Variants in TRHDE observed in about 807,000 individuals in gnomAD.
TRHDE encodes the protein thyrotropin-releasing hormone-degrading ectoenzyme.
A neutral mutation model predicts 125.7 loss-of-function variants in TRHDE; 72 were observed. The ratio of observed to expected loss-of-function variants is 0.57; its 90% CI spans 0.47 to 0.70. The LOEUF is 0.70. Ranked by LOEUF, TRHDE falls within the 30% of genes least tolerant of loss-of-function variation. The pLI is 0.00. For synonymous variants in TRHDE, 509 were observed against 509.1 expected, an observed-to-expected ratio of 1.00 and a Z score of 0.00; for missense variants, 1,110 against 1,327.1, an observed-to-expected ratio of 0.84 and a Z score of 2.54.
intron 2 of TRHDE, among the ~76,000 whole-genome samples, chr12:72,321,086 G>A (rs1869068690): frequency 6.6e-6 from 1 of 152,176 alleles, no homozygotes; most frequent in African/African-American, 2.4e-5. Context: ...AATGAGCAGG[G>A]TGAGAGAAAA....
intron 2 of TRHDE, among the ~76,000 whole-genome samples, chr12:72,232,769 G>A (rs1398653951): frequency 1.3e-5 from 2 of 151,996 alleles, no homozygotes; most frequent in Admixed American, 6.6e-5. Context: ...TTTCCTTTAT[G>A]TCTTTTTCTA....
At chr12:72,355,233 G>A (rs967673401) in intron 2 of TRHDE, among the ~76,000 whole-genome samples, 2 of 151,548 alleles carry the variant, frequency 1.3e-5, no homozygotes, top group African/African-American at 4.8e-5. Context: ...CTCTGAAATA[G>A]GGGTGAGAAA....
rs759509407 is a variant in TRHDE, at chr12:72,273,149, C to A, written c.506C>A (p.Pro169Gln). The A allele has an allele frequency of 6.7e-5, 106 of 1,570,432 alleles. No individual in the cohort carries two copies. Among genetic ancestry groups the A allele is most frequent in the Non-Finnish European group, 8.9e-5 (103 of 1,156,752 alleles). The change falls in exon 1 of 19, where the codon CCG becomes CAG. Residue 169 changes from proline (P) to glutamine (Q), a missense_variant. Transcript: ENST00000261180. This position sits in a 1 kb window ranked among gnomAD's most constrained non-coding sequence, Gnocchi z 5.3. ...AGTCCGGGGACCACGTCGGCCCAGC[C>A]GCCGTCGGAGGAGGAGCGGGAGCCG... ...VASPGTTSAQPPSEEEREPWE... is the reference protein window; with the variant it reads ...VASPGTTSAQQPSEEEREPWE...
chr12:72,285,519 C>CTTTTTT, intron 1 of TRHDE, among the ~76,000 whole-genome samples: 1 of 108,064 alleles, frequency 9.3e-6, no homozygotes, highest in East Asian at 3.7e-4. Context: ...TCCTTTTTTT[C>CTTTTTT]TTCTTTTTTT....
chr12:72,512,517 A>C (rs927553737), intron 6 of TRHDE, among the ~76,000 whole-genome samples: 2 of 138,192 alleles, frequency 1.4e-5, no homozygotes, highest in Non-Finnish European at 3.1e-5. Flanking sequence ...TAATTATATT[A>C]TATATAATAT....
chr12:72,186,278 G>C (rs1877209923), intron 2 of TRHDE: 2 of 161,946 alleles, frequency 1.2e-5, no homozygotes, highest in Admixed American at 6.5e-5. Flanking sequence ...AACTCCAGAC[G>C]CGCTGCCTTA....
intron 3 of TRHDE, among the ~76,000 whole-genome samples, chr12:72,464,443 G>T (rs114245814): frequency 6.6e-6 from 1 of 152,078 alleles, no homozygotes; most frequent in Admixed American, 6.6e-5. Flanking sequence ...TGCATTCTCC[G>T]GAGGGGATGA....
At chr12:72,445,778 C>T (rs1401897977) in intron 3 of TRHDE, among the ~76,000 whole-genome samples, 1 of 151,874 alleles carries the variant, frequency 6.6e-6, no homozygotes, top group Non-Finnish European at 1.5e-5. Flanking sequence ...TGTTATTAAG[C>T]CTTTGAATTA....
At chr12:72,436,772 G>T (rs1874765399) in intron 3 of TRHDE, among the ~76,000 whole-genome samples, 1 of 151,808 alleles carries the variant, frequency 6.6e-6, no homozygotes, top group Non-Finnish European at 1.5e-5. Flanking sequence ...AGCCCATTCT[G>T]TTTGGTGCTT....
Position 72,499,606 on chromosome 12 carries a change from A to C in TRHDE, c.1693A>C (p.Arg565=), listed in dbSNP as rs760836451. ...QEVLQATDID[R]VFDWIAYKKG... ...AGTGCTGCAGGCAACAGATATTGAC[A>C]GGGTGTTTGACTGGATCGCATATAA... Residue 565 remains arginine (R), a synonymous_variant, in exon 6 of 19, where the codon AGG becomes CGG. Transcript: ENST00000261180. 3 of 1,613,656 alleles carry C rather than the reference A, an allele frequency of 1.9e-6. No homozygotes were observed. Among genetic ancestry groups the C allele is most frequent in the Non-Finnish European group, 2.5e-6 (3 of 1,179,818 alleles).
intron 2 of TRHDE, among the ~76,000 whole-genome samples, chr12:72,243,805 A>T (rs978166218): frequency 6.6e-6 from 1 of 151,992 alleles, no homozygotes; most frequent in Admixed American, 6.5e-5. Context: ...TTTTCTTTTG[A>T]AATTATTGAG....
chr12:72,210,109 A>G (rs188445708), intron 2 of TRHDE, among the ~76,000 whole-genome samples: 2 of 152,264 alleles, frequency 1.3e-5, no homozygotes, highest in East Asian at 1.9e-4. Context: ...TTCAATATTA[A>G]TATTTTTAAA....
At chr12:72,279,802 C>A (rs894634210) in intron 1 of TRHDE, among the ~76,000 whole-genome samples, 1 of 152,044 alleles carries the variant, frequency 6.6e-6, no homozygotes. Flanking sequence ...GAACTGTGGC[C>A]CCAGTTGTAC....
At chr12:72,150,846 C>T (rs1381230591) in intron 2 of TRHDE, among the ~76,000 whole-genome samples, 7 of 152,024 alleles carry the variant, frequency 4.6e-5, no homozygotes, top group Non-Finnish European at 8.8e-5. Flanking sequence ...GTGAATAGTG[C>T]CGCAATAAAC....
intron 3 of TRHDE, among the ~76,000 whole-genome samples, chr12:72,379,102 A>G (rs1872029227): frequency 6.6e-6 from 1 of 152,098 alleles, no homozygotes; most frequent in African/African-American, 2.4e-5. Context: ...TACTTGATCA[A>G]AAGTTTTTGT....
At chr12:72,216,027 C>T (rs1211210090) in intron 2 of TRHDE, among the ~76,000 whole-genome samples, 1 of 152,086 alleles carries the variant, frequency 6.6e-6, no homozygotes, top group African/African-American at 2.4e-5. Context: ...TGACATTAGG[C>T]AAGTTAGTCA....
At chr12:72,478,417 T>C (rs1213458896) in intron 5 of TRHDE, among the ~76,000 whole-genome samples, 2 of 152,184 alleles carry the variant, frequency 1.3e-5, no homozygotes, top group Non-Finnish European at 2.9e-5. Context: ...GCTATTTTAT[T>C]TTTACTCAAC....
At chr12:72,326,778 T>G (rs970516382) in intron 2 of TRHDE, among the ~76,000 whole-genome samples, 1 of 152,322 alleles carries the variant, frequency 6.6e-6, no homozygotes, top group East Asian at 1.9e-4. Context: ...GGAAGTCCAC[T>G]TTCAGAATAA....
chr12:72,194,878 T>G (rs1418081664), intron 2 of TRHDE, among the ~76,000 whole-genome samples: 1 of 152,130 alleles, frequency 6.6e-6, no homozygotes, highest in Non-Finnish European at 1.5e-5. Context: ...TTCTTTTGGA[T>G]ACATACCCAG....
Sources: gnomAD v4.1 joint callset for allele counts (sites outside exome capture counted in the v4.1 genomes callset) on GRCh38, gnomAD v4.1.1 for gene constraint, Gnocchi (gnomAD v3.1) non-coding constraint, MANE v1.5 for transcripts, NCBI Gene and HGNC (gene_info 2026-07-23, HGNC 2026-07-21) for gene names.